LARP1: variants seen among roughly 807,000 people sequenced by gnomAD.
LARP1 encodes La ribonucleoprotein 1, translational regulator.
LARP1 carries 36 observed loss-of-function variants against 122.7 expected under a neutral mutation model. That is an observed-to-expected ratio of 0.29 (90% CI 0.22 to 0.39). The LOEUF (loss-of-function observed/expected upper bound fraction) is 0.39, where lower values mean the gene tolerates loss of function less well. Among genes scored for constraint, LARP1 ranks in the 10% least tolerant of loss-of-function variants. The probability of loss-of-function intolerance (pLI) is 1.00; values close to 1 mark genes in which losing one functional copy is unlikely to be tolerated. For synonymous variants in LARP1, 539 were observed against 528.7 expected (o/e 1.02, Z -0.27); for missense variants, 1,040 against 1,403.6 (o/e 0.74, Z 4.14).
Position 154,793,782 on chromosome 5 carries a change from G to A in LARP1, c.869-18G>A. The A allele has an allele frequency of 6.2e-7, 1 of 1,614,150 alleles. No individual in the cohort carries two copies. Among genetic ancestry groups the A allele is most frequent in the Non-Finnish European group, 8.5e-7 (1 of 1,180,006 alleles). Reference sequence around the variant, plus strand: ...GGGAGACACCCTCAGGCCTGACCTGGTACCCCTCTCCCCATAGGGTCTGAG... The same window carrying A: ...GGGAGACACCCTCAGGCCTGACCTGATACCCCTCTCCCCATAGGGTCTGAG... On this transcript the variant is annotated intron_variant, in intron 5 of 18. Transcript: ENST00000518297.
chr5:154,684,520 AG>A (rs1753835441), intron 1 of LARP1, among the ~76,000 whole-genome samples: 1 of 152,164 alleles, frequency 6.6e-6, no homozygotes, highest in Non-Finnish European at 1.5e-5. Flanking sequence ...ACAAACTTCC[AG>A]GTGATGCCAG....
chr5:154,816,760 C>T lies in LARP1; in HGVS notation c.*2664C>T, dbSNP rs1316519020. Reference sequence around the variant, plus strand: ...AAAGCAACAGCCTGCCCAGATCCCTCTGTTCATCCTATCCCTTCCAAGGTT... The same window carrying T: ...AAAGCAACAGCCTGCCCAGATCCCTTTGTTCATCCTATCCCTTCCAAGGTT... On this transcript the variant is annotated 3_prime_UTR_variant, in exon 19 of 19. Coordinates refer to ENST00000518297, the MANE Select transcript of LARP1 (RefSeq NM_033551.3). 2 of 152,416 alleles carry T rather than the reference C, an allele frequency of 1.3e-5. No individual in the cohort carries two copies. The highest frequency in any genetic ancestry group is 2.9e-5 in the Non-Finnish European group (2 of 68,114). The allele number at this position is 152,416 out of a possible 1,614,324, so 9.4% of individuals were successfully genotyped here.
intron 1 of LARP1, among the ~76,000 whole-genome samples, chr5:154,766,765 A>G (rs1704337070): frequency 6.6e-6 from 1 of 152,164 alleles, no homozygotes; most frequent in Non-Finnish European, 1.5e-5. Context: ...TTGCCTACAG[A>G]TAGGCTGCTA....
intron 1 of LARP1, among the ~76,000 whole-genome samples, chr5:154,778,019 T>C (rs1205478029): frequency 1.3e-5 from 2 of 152,084 alleles, no homozygotes; most frequent in African/African-American, 4.8e-5. Context: ...CCCAGCACTT[T>C]GGGAGGCCGA....
intron 1 of LARP1, chr5:154,757,292 T>G (rs1582303243): frequency 6.8e-6 from 1 of 147,490 alleles, no homozygotes. Flanking sequence ...CGGGGGGAGG[T>G]AAGGGGTGCA....
intron 8 of LARP1, among the ~76,000 whole-genome samples, chr5:154,798,140 C>T (rs560698387): frequency 6.6e-6 from 1 of 152,286 alleles, no homozygotes; most frequent in African/African-American, 2.4e-5. Flanking sequence ...TGCTTTCTCC[C>T]TACCCCTATA....
chr5:154,811,854 C>G (rs1759303754), intron 18 of LARP1, among the ~76,000 whole-genome samples: 1 of 152,176 alleles, frequency 6.6e-6, no homozygotes, highest in African/African-American at 2.4e-5. Flanking sequence ...CCTGCTTACC[C>G]TTTCTGTGGT....
intron 1 of LARP1, among the ~76,000 whole-genome samples, chr5:154,691,510 G>A (rs1055463977): frequency 2.0e-5 from 3 of 152,170 alleles, no homozygotes; most frequent in African/African-American, 7.2e-5. Context: ...CGGGGTCCGC[G>A]GGTGGCGGCC....
At chr5:154,695,872 C>T (rs1452538199) in intron 1 of LARP1, among the ~76,000 whole-genome samples, 4 of 149,574 alleles carry the variant, frequency 2.7e-5, no homozygotes, top group East Asian at 1.9e-4. Context: ...GACTCTATCT[C>T]GAAAAAAAAA....
At chr5:154,758,263 C>G (rs1754163263) in intron 1 of LARP1, among the ~76,000 whole-genome samples, 1 of 152,102 alleles carries the variant, frequency 6.6e-6, no homozygotes, top group African/African-American at 2.4e-5. Flanking sequence ...GACAGCTTGG[C>G]TGGCATCTCA....
chr5:154,771,111 CAAAAG>C (rs1289432357), intron 1 of LARP1, among the ~76,000 whole-genome samples: 1 of 109,458 alleles, frequency 9.1e-6, no homozygotes, highest in Non-Finnish European at 1.8e-5. Flanking sequence ...GACTGTGTCT[CAAAAG>C]AAAAAAAAAA....
intron 1 of LARP1, among the ~76,000 whole-genome samples, chr5:154,697,190 G>A (rs532676916): frequency 7.1e-6 from 1 of 140,314 alleles, no homozygotes; most frequent in South Asian, 2.3e-4. Flanking sequence ...AGGGAGGTAT[G>A]TAGCTTTTTA....
chr5:154,792,868 C>G, intron 4 of LARP1, 72 bp downstream of exon 4: 1 of 1,491,898 alleles, frequency 6.7e-7, no homozygotes, highest in Non-Finnish European at 9.1e-7. Flanking sequence ...CTCCAGGGGA[C>G]TGCTGGAGGA....
Position 154,799,899 on chromosome 5 carries a change from G to A in LARP1, c.1573G>A (p.Val525Ile), listed in dbSNP as rs376771247. 2.6e-5 allele frequency: 42 copies of A among 1,613,988 alleles called. No individual in the cohort carries two copies. Among genetic ancestry groups the A allele is most frequent in the Non-Finnish European group, 3.2e-5 (38 of 1,179,996 alleles). ...GTCGGCACCTGGCTCTCCTCGTGCA[G>A]TCACCCCAGTGCCAACCAAAACAGA... ...TESAPGSPRAVTPVPTKTEEV... is the reference protein window; with the variant it reads ...TESAPGSPRAITPVPTKTEEV... The change falls in exon 10 of 19, where the codon GTC (valine) becomes ATC (isoleucine). Residue 525 changes from valine to isoleucine, a missense_variant. Physicochemically the swap from Val to Ile is conservative, Grantham distance 29. Transcript: ENST00000518297.
chr5:154,793,588 C>G lies in LARP1; in HGVS notation c.740-7C>G. 1 of 1,614,150 alleles carries G rather than the reference C, an allele frequency of 6.2e-7. No homozygotes were observed. The highest frequency in any genetic ancestry group is 2.2e-5 in the East Asian group (1 of 44,870). On this transcript the variant is annotated splice_polypyrimidine_tract_variant and splice_region_variant and intron_variant, in intron 4 of 18. Transcript: ENST00000518297. ...AGCCTTTCTCATGTACCCATGCTGT[C>G]TCCCAGGAAACAAACACAAGTGGGT...
chr5:154,758,510 G>A (rs1697916257), intron 1 of LARP1, among the ~76,000 whole-genome samples: 1 of 152,158 alleles, frequency 6.6e-6, no homozygotes, highest in African/African-American at 2.4e-5. Context: ...TCTATGATTG[G>A]GTTGTCAGTC....
chr5:154,793,764 A>C (rs1035656381), intron 5 of LARP1, 36 bp from the exon 6 acceptor site: 1 of 1,613,930 alleles, frequency 6.2e-7, no homozygotes, highest in African/African-American at 1.3e-5. Context: ...CTTGGGAGAC[A>C]CCCTCAGGCC....
In LARP1 at chr5:154,793,922, G is replaced by A. The variant is rs1237506225; in HGVS notation, c.991G>A (p.Gly331Ser). The A allele has an allele frequency of 6.2e-7, 1 of 1,614,104 alleles. No homozygotes were observed. The change falls in exon 6 of 19, where the codon GGT (glycine) becomes AGT (serine). Residue 331 changes from glycine to serine, a missense_variant. Around this residue, in one of 8 missense-constraint regions of LARP1, gnomAD observed 178 missense variants for 178.3 expected, o/e 1.00. Transcript: ENST00000518297. The part of the protein sequence containing the change: ...ETSSVKSDGA[G>S]GARASFRGRG... ...ATCGAGTGTGAAGAGTGATGGGGCT[G>A]GTGGGGCGCGGGCTTCCTTCCGTGG...
chr5:154,809,949 C>T (rs1384658492), intron 16 of LARP1, among the ~76,000 whole-genome samples: 3 of 152,012 alleles, frequency 2.0e-5, no homozygotes, highest in East Asian at 1.9e-4. Flanking sequence ...CCTTGTGATC[C>T]GCCTGTCTCA....
Sources: allele counts gnomAD v4.1 joint callset (sites outside exome capture counted in the v4.1 genomes callset), GRCh38; gene constraint gnomAD v4.1.1; regional missense constraint gnomAD v4.1.1; transcripts MANE v1.5; gene names NCBI Gene and HGNC (gene_info 2026-07-23, HGNC 2026-07-21).